The following PCLO variants were observed in gnomAD, a reference collection of about 807,000 sequenced individuals.
PCLO encodes piccolo presynaptic cytomatrix protein, also known as protein piccolo.
Under a neutral mutation model 427.5 loss-of-function variants are expected in PCLO, and 82 were observed. The ratio of observed to expected loss-of-function variants is 0.19; its 90% CI spans 0.16 to 0.23. The LOEUF (loss-of-function observed/expected upper bound fraction) is 0.23, where lower values mean the gene tolerates loss of function less well. Among genes scored for constraint, PCLO ranks in the 10% least tolerant of loss-of-function variants. The probability of loss-of-function intolerance (pLI) is 1.00; values close to 1 mark genes in which losing one functional copy is unlikely to be tolerated. For missense variants in PCLO, 6,239 were observed against 6,115.9 expected (o/e 1.02, Z -0.67); for synonymous variants, 2,357 against 2,155.4 (o/e 1.09, Z -2.59).
At chr7:82,765,599 G>T (rs577321606) in intron 22 of PCLO, among the ~76,000 whole-genome samples, 133 of 152,038 alleles carry the variant, frequency 8.7e-4, no homozygotes, top group African/African-American at 2.9e-3. Flanking sequence ...CAAAGATTTG[G>T]TATAAAATGT....
At chr7:82,872,188 G>T (rs963794192) in intron 10 of PCLO, among the ~76,000 whole-genome samples, 1 of 151,786 alleles carries the variant, frequency 6.6e-6, no homozygotes, top group African/African-American at 2.4e-5. Context: ...CATACACTGG[G>T]AAAAGGTATT....
Position 82,950,225 on chromosome 7 carries a change from G to A in PCLO, c.10363C>T (p.Arg3455Trp), listed in dbSNP as rs779274989. 26 of 1,612,344 alleles carry A rather than the reference G, an allele frequency of 1.6e-5. No homozygotes were observed. The highest frequency in any genetic ancestry group is 8.1e-5 in the African/African-American group (6 of 74,304). The change falls in exon 6 of 25, where the codon CGG becomes TGG. Residue 3455 changes from arginine (R) to tryptophan (W), a missense_variant. Arg to Trp is a moderately radical substitution (Grantham distance 101). Coordinates refer to ENST00000333891, the MANE Select transcript of PCLO (RefSeq NM_033026.6). ...CTCCTTCTCCTACTCACATAGCTCC[G>A]ATCTGTGGCATCTTCGTCATCCGTT... ...VQTDDEDATDRSYVSRRRRTK... is the reference protein window; with the variant it reads ...VQTDDEDATDWSYVSRRRRTK...
chr7:82,997,747 G>C (rs1254651851), intron 3 of PCLO, among the ~76,000 whole-genome samples: 1 of 151,996 alleles, frequency 6.6e-6, no homozygotes. Flanking sequence ...TGTCATTAGT[G>C]AAAGAAGAAT....
chr7:82,758,780 AC>A lies in PCLO; in HGVS notation c.15289-66del, dbSNP rs1338240004. On this transcript the variant is annotated intron_variant, in intron 24 of 24. Coordinates refer to ENST00000333891, the MANE Select transcript of PCLO (RefSeq NM_033026.6). ...CACATATACATGTGTATAGTTTTCA[AC>A]CTTTTTTAAGGACATTTAATCATCA... 8.1e-6 allele frequency: 8 copies of A among 981,710 alleles called. No individual in the cohort carries two copies. The African/African-American group carries it at 1.2e-4, about 14-fold the overall frequency. The allele number at this position is 981,710 out of a possible 1,614,324, so 60.8% of individuals were successfully genotyped here. A position where few individuals can be genotyped will look rare whatever the true frequency, so the allele number is the denominator to read the frequency against.
At chr7:83,047,278 C>T (rs1251483452) in intron 3 of PCLO, among the ~76,000 whole-genome samples, 1 of 151,902 alleles carries the variant, frequency 6.6e-6, no homozygotes, top group Non-Finnish European at 1.5e-5. Context: ...CATCTACCTA[C>T]AAATGAATAT....
At position 82,841,539 on chromosome 7, in the gene PCLO, A is replaced by T. The variant is rs758407513; in HGVS notation, c.14047-30T>A. 1.1e-5 allele frequency: 14 copies of T among 1,293,662 alleles called. 1 individual carries two copies. In the South Asian group the frequency reaches 1.7e-4, roughly 16 times the overall value. The allele number at this position is 1,293,662 out of a possible 1,614,324, so 80.1% of individuals were successfully genotyped here. On this transcript the variant is annotated intron_variant, in intron 13 of 24. Coordinates refer to ENST00000333891, the MANE Select transcript of PCLO (RefSeq NM_033026.6). ...AATATTAAAGAACATATATTACATT[A>T]ATAGATACATTTTTCACATAATTTA...
chr7:82,833,992 T>C (rs1562808114), intron 16 of PCLO, among the ~76,000 whole-genome samples: 1 of 152,144 alleles, frequency 6.6e-6, no homozygotes, highest in Admixed American at 6.6e-5. Context: ...CAGTCTAACT[T>C]ACAATGTCAG....
intron 3 of PCLO, among the ~76,000 whole-genome samples, chr7:82,980,236 G>A (rs1370749895): frequency 6.6e-6 from 1 of 152,100 alleles, no homozygotes; most frequent in Non-Finnish European, 1.5e-5. Context: ...AGAAGGAGCC[G>A]AGAGAGAGAA....
intron 3 of PCLO, among the ~76,000 whole-genome samples, chr7:83,063,662 A>C (rs1789594367): frequency 6.6e-6 from 1 of 152,110 alleles, no homozygotes; most frequent in Non-Finnish European, 1.5e-5. Context: ...CTTTCAACTC[A>C]TGATGTATTT....
At chr7:82,861,390 A>T (rs1792951811) in intron 10 of PCLO, among the ~76,000 whole-genome samples, 1 of 152,102 alleles carries the variant, frequency 6.6e-6, no homozygotes, top group Non-Finnish European at 1.5e-5. Flanking sequence ...AAAAGCTATA[A>T]GAAGAGACAA....
At chr7:82,859,118 T>G (rs1203619224) in intron 10 of PCLO, among the ~76,000 whole-genome samples, 1 of 152,202 alleles carries the variant, frequency 6.6e-6, no homozygotes, top group Non-Finnish European at 1.5e-5. Context: ...TCTAAGATTT[T>G]TGACTCTGGT....
In PCLO at chr7:82,858,381, G is replaced by T. The variant is rs142007462; in HGVS notation, c.13655-11134C>A. ...ATATCATACTCAATGAAGAAAAGTTGAAAGTTTTTCTCTAAGATGTTGGTA... is the reference window on the plus strand; with the variant it reads ...ATATCATACTCAATGAAGAAAAGTTTAAAGTTTTTCTCTAAGATGTTGGTA... On this transcript the variant is annotated intron_variant, in intron 10 of 24. Coordinates refer to ENST00000333891, the MANE Select transcript of PCLO (RefSeq NM_033026.6). Among the ~76,000 whole-genome samples the T allele has an allele frequency of 1.1e-3, 171 of 152,260 alleles. 1 individual carries two copies. Among genetic ancestry groups the T allele is most frequent in the African/African-American group, 3.9e-3 (164 of 41,568 alleles).
At chr7:83,083,309 C>A (rs1790149869) in intron 3 of PCLO, among the ~76,000 whole-genome samples, 2 of 151,744 alleles carry the variant, frequency 1.3e-5, no homozygotes, top group African/African-American at 4.8e-5. Flanking sequence ...TGGATAATTG[C>A]ATGTTTGGAA....
At chr7:82,902,432 G>C (rs1226044844) in intron 9 of PCLO, among the ~76,000 whole-genome samples, 3 of 151,842 alleles carry the variant, frequency 2.0e-5, no homozygotes, top group Non-Finnish European at 4.4e-5. Context: ...GTTGTGGGGT[G>C]AGGGAAGGGG....
intron 9 of PCLO, among the ~76,000 whole-genome samples, chr7:82,899,021 T>C (rs80125376): frequency 0.02 from 3,095 of 151,434 alleles, 113 homozygotes; most frequent in African/African-American, 0.071. Flanking sequence ...TATAGAACAA[T>C]GCTAAGACAG....
At chr7:82,827,995 T>C (rs1332877618) in intron 16 of PCLO, 29 bp from the exon 17 acceptor site, 1 of 1,256,812 alleles carries the variant, frequency 8.0e-7, no homozygotes, top group Admixed American at 1.8e-5. Context: ...AAGAGTTATC[T>C]TGATTATTCA....
At chr7:83,039,065 T>C (rs1788904627) in intron 3 of PCLO, among the ~76,000 whole-genome samples, 1 of 151,960 alleles carries the variant, frequency 6.6e-6, no homozygotes, top group South Asian at 2.1e-4. Flanking sequence ...CATTTTTGAG[T>C]GGGTTGTCTT....
At chr7:82,866,490 CTT>C (rs1793096163) in intron 10 of PCLO, among the ~76,000 whole-genome samples, 1 of 151,932 alleles carries the variant, frequency 6.6e-6, no homozygotes, top group Non-Finnish European at 1.5e-5. Flanking sequence ...CTAAAAAAAA[CTT>C]TGAAAAAATG....
chr7:83,071,814 T>C (rs1789823920), intron 3 of PCLO, among the ~76,000 whole-genome samples: 1 of 152,162 alleles, frequency 6.6e-6, no homozygotes, highest in Non-Finnish European at 1.5e-5. Context: ...TTGGTCATGT[T>C]GTTGGAAGAT....
Sources: gnomAD v4.1 joint callset for allele counts (sites outside exome capture counted in the v4.1 genomes callset) on GRCh38, gnomAD v4.1.1 for gene constraint, MANE v1.5 for transcripts, NCBI Gene and HGNC (gene_info 2026-07-23, HGNC 2026-07-21) for gene names.